MELTF: variants seen among roughly 807,000 people sequenced by gnomAD.
The protein encoded by MELTF is antigen p97 (melanoma associated) identified by monoclonal antibodies 133.2 and 96.5.
In MELTF, 67 loss-of-function variants were observed where a neutral mutation model predicts 83.7. The ratio of observed to expected loss-of-function variants is 0.80; its 90% CI spans 0.66 to 0.98. The LOEUF (loss-of-function observed/expected upper bound fraction) is 0.98. Ranked by LOEUF, MELTF falls within the 50% of genes least tolerant of loss-of-function variation. MELTF has a pLI of 0.00. For missense variants in MELTF, 1,002 were observed against 1,035.6 expected (o/e 0.97, Z 0.44); for synonymous variants, 462 against 447.6 (o/e 1.03, Z -0.41).
At chr3:197,004,792 A>T (rs1718918731) in intron 14 of MELTF, 1 of 152,310 alleles carries the variant, frequency 6.6e-6, no homozygotes, top group Non-Finnish European at 1.5e-5. Context: ...GGAACGAAGG[A>T]GTCAGGTGGC....
rs775162735 is a variant in MELTF at position 197,024,343 on chromosome 3, C to T, written c.447G>A (p.Glu149=). Residue 149 remains glutamate, a synonymous_variant, in exon 4 of 16, where the codon GAG becomes GAA. Coordinates refer to ENST00000296350, the MANE Select transcript of MELTF (RefSeq NM_005929.6). The surrounding 1 kb of genome is among the most constrained non-coding windows in gnomAD (Gnocchi z 5.3). ...AGCCCATCACCGAGAGGCGGCCGCT[C>T]TCCACCAGGTAGCCCACGGGCACGT... ...GWNVPVGYLV[E]SGRLSVMGCD... is the part of the protein sequence containing the mutation. The T allele has an allele frequency of 1.9e-5, 31 of 1,594,678 alleles. No individual in the cohort carries two copies. Among genetic ancestry groups the T allele is most frequent in the Non-Finnish European group, 1.2e-5 (14 of 1,167,510 alleles).
Position 197,029,604 on chromosome 3 carries a change from C to T in MELTF, c.49+50G>A. 5.7e-6 allele frequency: 7 copies of T among 1,231,750 alleles called. No individual in the cohort carries two copies. Among genetic ancestry groups the T allele is most frequent in the Non-Finnish European group, 7.1e-6 (7 of 984,988 alleles). The allele number at this position is 1,231,750 out of a possible 1,614,324, so 76.3% of individuals were successfully genotyped here. ...CCCCGGGACCTGCTCAGCCGGGCCG[C>T]GGCGCCCCGGGACCCCCGCCCGCCT... On this transcript the variant is annotated intron_variant, in intron 1 of 15. Transcript: ENST00000296350. The surrounding 1 kb of genome is among the most constrained non-coding windows in gnomAD (Gnocchi z 6.5).
Position 197,004,514 on chromosome 3 carries a change from A to G in MELTF, c.1939-415T>C, listed in dbSNP as rs1427425363. 3.7e-5 allele frequency: 8 copies of G among 215,576 alleles called. No homozygotes were observed. The East Asian group carries it at 1.1e-3, about 29-fold the overall frequency. The allele number at this position is 215,576 out of a possible 1,614,324, so 13.4% of individuals were successfully genotyped here. A position where few individuals can be genotyped will look rare whatever the true frequency, so the allele number is the denominator to read the frequency against. ...TACAGATATCTCCCCACAAACCTAA[A>G]CAATTTCGAGAGGGACTTGTGTTCT... On this transcript the variant is annotated intron_variant, in intron 14 of 15. Coordinates refer to ENST00000296350, the MANE Select transcript of MELTF (RefSeq NM_005929.6).
chr3:197,003,519 T>TGGGATG lies in MELTF; in HGVS notation c.2138-69_2138-68insCATCCC, dbSNP rs1553845846. 4.9e-5 allele frequency: 8 copies of TGGGATG among 163,104 alleles called. No homozygotes were observed. Among genetic ancestry groups the TGGGATG allele is most frequent in the Non-Finnish European group, 8.1e-5 (8 of 99,224 alleles). 10.1% of individuals were successfully genotyped at this position (163,104 alleles called of 1,614,324 possible). A position where few individuals can be genotyped will look rare whatever the true frequency, so the allele number is the denominator to read the frequency against. ...CGGTGGCCGCCTCAGGCGCCCGCTC[T>TGGGATG]GGGGTGGGGGTGGGGGCATCTTTCG... On this transcript the variant is annotated intron_variant, in intron 15 of 15. Coordinates refer to ENST00000296350, the MANE Select transcript of MELTF (RefSeq NM_005929.6). The surrounding 1 kb of genome is among the most constrained non-coding windows in gnomAD (Gnocchi z 6.2).
At chr3:197,004,791 G>T (rs370258812) in intron 14 of MELTF, 33 of 152,278 alleles carry the variant, frequency 2.2e-4, no homozygotes, top group African/African-American at 7.7e-4. Flanking sequence ...AGGAACGAAG[G>T]AGTCAGGTGG....
At chr3:197,013,313 G>A (rs1157688173) in intron 9 of MELTF, among the ~76,000 whole-genome samples, 1 of 152,212 alleles carries the variant, frequency 6.6e-6, no homozygotes, top group Non-Finnish European at 1.5e-5. Context: ...GAAGCTGAAT[G>A]TCCAAGTGCA....
rs1720002947 is a variant in MELTF, at chr3:197,029,557, G to A, written c.49+97C>T. 5.8e-6 allele frequency: 6 copies of A among 1,030,872 alleles called. No individual in the cohort carries two copies. Among genetic ancestry groups the A allele is most frequent in the African/African-American group, 5.0e-5 (3 of 60,424 alleles). The allele number at this position is 1,030,872 out of a possible 1,614,324, so 63.9% of individuals were successfully genotyped here. ...TCCCCCGTCTCACTGCCCCGGAGCC[G>A]CAGGCTCAGGCACATTTCCAGCCCC... On this transcript the variant is annotated intron_variant, in intron 1 of 15. Coordinates refer to ENST00000296350, the MANE Select transcript of MELTF (RefSeq NM_005929.6). This position sits in a 1 kb window ranked among gnomAD's most constrained non-coding sequence, Gnocchi z 6.5.
chr3:197,022,954 C>A lies in MELTF; in HGVS notation c.644+3G>T, dbSNP rs771134095. On this transcript the variant is annotated splice_donor_region_variant and intron_variant, in intron 5 of 15. Transcript: ENST00000296350. This position sits in a 1 kb window ranked among gnomAD's most constrained non-coding sequence, Gnocchi z 5.1. ...GGCCCCTCCCTGCCCCCACTCCGCTCACCGGAAGGCCCCGCTGTAGTCGTA... is the reference window on the plus strand; with the variant it reads ...GGCCCCTCCCTGCCCCCACTCCGCTAACCGGAAGGCCCCGCTGTAGTCGTA... 5.6e-6 allele frequency: 9 copies of A among 1,604,906 alleles called. No individual in the cohort carries two copies. Among genetic ancestry groups the A allele is most frequent in the Non-Finnish European group, 7.6e-6 (9 of 1,176,612 alleles).
Position 197,011,034 on chromosome 3 carries a change from T to A in MELTF, c.1234-240A>T, listed in dbSNP as rs1211902198. Among the ~76,000 whole-genome samples, 1 of 152,084 alleles carries A rather than the reference T, an allele frequency of 6.6e-6. No homozygotes were observed. Among genetic ancestry groups the A allele is most frequent in the Admixed American group, 6.5e-5 (1 of 15,286 alleles). On this transcript the variant is annotated intron_variant, in intron 9 of 15. Transcript: ENST00000296350. This position sits in a 1 kb window ranked among gnomAD's most constrained non-coding sequence, Gnocchi z 4.2. The stretch of plus-strand genomic sequence containing the variant: ...AGGGGCAGAAACACCCACGCAGCAC[T>A]CCTGCGCGTGGCCACCCAGGGTCCC...
At position 197,003,480 on chromosome 3, in the gene MELTF, CG is replaced by C. The variant is rs565108059; in HGVS notation, c.2138-30del. 0.055 allele frequency: 57,324 copies of C among 1,045,590 alleles called. 1,688 individuals carry two copies. The highest frequency in any genetic ancestry group is 0.11 in the Middle Eastern group (262 of 2,394). The allele number at this position is 1,045,590 out of a possible 1,614,324, so 64.8% of individuals were successfully genotyped here. The stretch of plus-strand genomic sequence containing the variant: ...GGGACGAACGCGGCGGGTCAGGCCC[CG>C]AAGCCCGGGCCGCGGTGGCCGCCTC... On this transcript the variant is annotated intron_variant, in intron 15 of 15. Transcript: ENST00000296350. This position sits in a 1 kb window ranked among gnomAD's most constrained non-coding sequence, Gnocchi z 6.2.
rs1718820271 is a variant in MELTF, at chr3:197,003,224, C to A, written c.*148G>T. 1 of 891,764 alleles carries A rather than the reference C, an allele frequency of 1.1e-6. No homozygotes were observed. The highest frequency in any genetic ancestry group is 5.9e-5 in the Admixed American group (1 of 16,900). The allele number at this position is 891,764 out of a possible 1,614,324, so 55.2% of individuals were successfully genotyped here. A position where few individuals can be genotyped will look rare whatever the true frequency, so the allele number is the denominator to read the frequency against. On this transcript the variant is annotated 3_prime_UTR_variant, in exon 16 of 16. Coordinates refer to ENST00000296350, the MANE Select transcript of MELTF (RefSeq NM_005929.6). This position sits in a 1 kb window ranked among gnomAD's most constrained non-coding sequence, Gnocchi z 6.2. Reference sequence around the variant, plus strand: ...CGCCTCAGGTAGCAGCGCCAGGTGGCGCCCGTGGGCGGCGGGGCTCCCGGG... The same window carrying A: ...CGCCTCAGGTAGCAGCGCCAGGTGGAGCCCGTGGGCGGCGGGGCTCCCGGG...
In MELTF at chr3:197,015,459, C is replaced by G. The variant is rs755354990; in HGVS notation, c.1139G>C (p.Gly380Ala). The G allele has an allele frequency of 5.0e-6, 8 of 1,610,530 alleles. No homozygotes were observed. The highest frequency in any genetic ancestry group is 5.9e-6 in the Non-Finnish European group (7 of 1,178,778). The change falls in exon 9 of 16, where the codon GGA becomes GCA. Residue 380 changes from glycine (G) to alanine (A), a missense_variant. Gly to Ala is a moderately conservative substitution (Grantham distance 60). Transcript: ENST00000296350. ...CCGGCGGAAGGCCACGGCCATGTCT[C>G]CACACTTCTGGATCTCGGGAGTGGA... Reference protein sequence around the residue: ...VLSTPEIQKCGDMAVAFRRQR... With the variant: ...VLSTPEIQKCADMAVAFRRQR...
chr3:197,009,865 G>T, intron 10 of MELTF, 53 bp from the exon 11 acceptor site: 1 of 1,506,860 alleles, frequency 6.6e-7, no homozygotes. Flanking sequence ...GCCCGGGCAA[G>T]TGCCTGGGGG....
In MELTF at chr3:197,023,039, G is replaced by A. The variant is rs1266685170; in HGVS notation, c.562C>T (p.Leu188Phe). 1 of 1,613,738 alleles carries A rather than the reference G, an allele frequency of 6.2e-7. No homozygotes were observed. The highest frequency in any genetic ancestry group is 8.5e-7 in the Non-Finnish European group (1 of 1,180,022). ...TCCCCAGAGCTGTCACCCCTGCAGA[G>A]GCGACAGAGGGACTCAGAGTAACTG... ...ETSYSESLCR[L>F]CRGDSSGEGV... Residue 188 changes from leucine (L) to phenylalanine (F), a missense_variant, in exon 5 of 16, where the codon CTC becomes TTC. By Grantham distance (22) the Leu-to-Phe change is conservative. Coordinates refer to ENST00000296350, the MANE Select transcript of MELTF (RefSeq NM_005929.6).
At chr3:197,014,191 T>C (rs1340141012) in intron 9 of MELTF, among the ~76,000 whole-genome samples, 2 of 152,036 alleles carry the variant, frequency 1.3e-5, no homozygotes, top group Non-Finnish European at 2.9e-5. Flanking sequence ...AAGAATGAAA[T>C]CCTGTCACTG....
intron 9 of MELTF, among the ~76,000 whole-genome samples, chr3:197,010,999 T>A (rs1034864416): frequency 6.6e-6 from 1 of 152,110 alleles, no homozygotes; most frequent in African/African-American, 2.4e-5. Context: ...GAGTGGTGCC[T>A]GGAGGACCAA....
At chr3:197,010,868 T>C in intron 9 of MELTF, 74 bp from the exon 10 acceptor site, 1 of 1,325,580 alleles carries the variant, frequency 7.5e-7, no homozygotes, top group Non-Finnish European at 1.1e-6. Flanking sequence ...CCTGTGGAGG[T>C]GGCAGGGCCT....
intron 3 of MELTF, 21 bp downstream of exon 3, chr3:197,026,639 C>T (rs772454837): frequency 6.2e-7 from 1 of 1,607,184 alleles, no homozygotes; most frequent in South Asian, 1.1e-5. Context: ...TGTCCTCTCT[C>T]CTCCCACTGC....
chr3:197,003,435 C>A lies in MELTF; in HGVS notation c.2154G>T (p.Gly718=). 9.1e-7 allele frequency: 1 copy of A among 1,099,746 alleles called. No individual in the cohort carries two copies. The highest frequency in any genetic ancestry group is 1.1e-6 in the Non-Finnish European group (1 of 905,186). 68.1% of individuals were successfully genotyped at this position (1,099,746 alleles called of 1,614,324 possible). Residue 718 remains glycine (G), a synonymous_variant, in exon 16 of 16, where the codon GGG becomes GGT. Transcript: ENST00000296350. This position sits in a 1 kb window ranked among gnomAD's most constrained non-coding sequence, Gnocchi z 6.2. Reference sequence around the variant, plus strand: ...GCAGCAGCAGCGGGAGCAGGGGCGCCCCGGGCGCCGGGGCCGCTGGGGACG... The same window carrying A: ...GCAGCAGCAGCGGGAGCAGGGGCGCACCGGGCGCCGGGGCCGCTGGGGACG... ...QCSGAAAPAP[G]APLLPLLLPA... is the part of the protein sequence containing the mutation.
Sources: gnomAD v4.1 joint callset for allele counts (sites outside exome capture counted in the v4.1 genomes callset) on GRCh38, gnomAD v4.1.1 for gene constraint, Gnocchi (gnomAD v3.1) non-coding constraint, MANE v1.5 for transcripts, NCBI Gene and HGNC (gene_info 2026-07-23, HGNC 2026-07-21) for gene names.